The following SEC22C variants were observed in gnomAD, a reference collection of about 807,000 sequenced individuals.
SEC22C encodes the protein SEC22 homolog C, vesicle trafficking protein, also known as vesicle-trafficking protein SEC22c.
SEC22C carries 29 observed loss-of-function variants against 34.7 expected under a neutral mutation model. The ratio of observed to expected loss-of-function variants is 0.84; its 90% CI spans 0.62 to 1.14. The LOEUF (loss-of-function observed/expected upper bound fraction) is 1.14. SEC22C is among the 50% of genes most tolerant of loss of function. SEC22C has a pLI of 0.00. For synonymous variants in SEC22C, 117 were observed against 132.8 expected (o/e 0.88, Z 0.82); for missense variants, 337 against 369.0 (o/e 0.91, Z 0.71).
At chr3:42,581,681 A>G (rs1193339720) in intron 1 of SEC22C, among the ~76,000 whole-genome samples, 165 bp downstream of exon 1, 2 of 152,252 alleles carry the variant, frequency 1.3e-5, no homozygotes, top group African/African-American at 4.8e-5. Context: ...GAGGACTCCA[A>G]GAAGCCCAGT....
Position 42,594,406 on chromosome 3 carries a change from GT to G in SEC22C, c.-28+6553del. On this transcript the variant is annotated intron_variant, in intron 1 of 6. Coordinates refer to the SEC22C transcript ENST00000417572. ...AAAAACAAGCCTCTGATTTTTGCCT[GT>G]TTTTTTGCCCATAGGTACCAGCATG... 1.9e-6 allele frequency: 3 copies of G among 1,604,048 alleles called. No homozygotes were observed. The highest frequency in any genetic ancestry group is 2.6e-6 in the Non-Finnish European group (3 of 1,173,804).
Position 42,555,917 on chromosome 3 carries a change from T to C in SEC22C, c.711+13A>G, listed in dbSNP as rs1466530538. 1.2e-6 allele frequency: 2 copies of C among 1,608,050 alleles called. No individual in the cohort carries two copies. Among genetic ancestry groups the C allele is most frequent in the Non-Finnish European group, 8.5e-7 (1 of 1,174,802 alleles). ...TGGATTTAATCCACTGACCAAAATA[T>C]CGTTTCACCCACCTGGAAAATGCAG... is the stretch of plus-strand genomic sequence containing the variant. On this transcript the variant is annotated intron_variant, in intron 6 of 6. Coordinates refer to ENST00000264454, the MANE Select transcript of SEC22C (RefSeq NM_032970.4).
At chr3:42,565,957 A>T in intron 2 of SEC22C, 1 of 449,186 alleles carries the variant, frequency 2.2e-6, no homozygotes, top group Non-Finnish European at 4.4e-6. Flanking sequence ...AAATGAGTAG[A>T]ACATTTTTTA....
At chr3:42,556,086 T>C (rs1702510892) in intron 5 of SEC22C, 91 bp from the exon 6 acceptor site, 1 of 962,254 alleles carries the variant, frequency 1.0e-6, no homozygotes, top group Non-Finnish European at 1.6e-6. Context: ...TTCTGTCTGG[T>C]ATGGTTGACA....
intron 1 of SEC22C, chr3:42,590,856 G>C (rs769328806): frequency 1.2e-6 from 2 of 1,607,990 alleles, no homozygotes; most frequent in Non-Finnish European, 1.7e-6. Flanking sequence ...ACCTATCGTG[G>C]GTCGAGTTGC....
At chr3:42,585,097 C>G (rs1365082262), upstream of SEC22C, among the ~76,000 whole-genome samples, 1 of 152,116 alleles carries the variant, frequency 6.6e-6, no homozygotes, top group Non-Finnish European at 1.5e-5. Flanking sequence ...CCATTGCACT[C>G]CAGCCTGACC....
chr3:42,549,556 ACC>A lies in SEC22C; in HGVS notation c.*3690_*3691del, dbSNP rs1702147499. The A allele has an allele frequency of 2.1e-6, 2 of 945,978 alleles. No homozygotes were observed. The highest frequency in any genetic ancestry group is 2.4e-6 in the Non-Finnish European group (2 of 819,896). The allele number at this position is 945,978 out of a possible 1,614,324, so 58.6% of individuals were successfully genotyped here. ...TCTCTGACTCTGAGCTGTGCTGACC[ACC>A]AAGTGTTACTCCTCTCCAAGACTTG... On this transcript the variant is annotated 3_prime_UTR_variant, in exon 7 of 7. Coordinates refer to ENST00000264454, the MANE Select transcript of SEC22C (RefSeq NM_032970.4).
At chr3:42,592,690 T>G (rs543962972) in intron 1 of SEC22C, among the ~76,000 whole-genome samples, 2 of 152,252 alleles carry the variant, frequency 1.3e-5, no homozygotes, top group Non-Finnish European at 2.9e-5. Context: ...TAAAAGTTTA[T>G]GGTAAATACC....
upstream of SEC22C, among the ~76,000 whole-genome samples, chr3:42,584,759 C>T (rs770368755): frequency 6.6e-6 from 1 of 152,166 alleles, no homozygotes; most frequent in Non-Finnish European, 1.5e-5. Context: ...TAGGTCATAA[C>T]AGGCACAAAG....
upstream of SEC22C, among the ~76,000 whole-genome samples, chr3:42,585,136 CAAACA>C (rs1269032058): frequency 2.0e-5 from 3 of 152,104 alleles, no homozygotes; most frequent in Non-Finnish European, 2.9e-5. Context: ...TCTCAAAAAA[CAAACA>C]AAACAAAACA....
rs1577372527 is a variant in SEC22C, at chr3:42,590,738, G to A, written c.-28+10222C>T. 12 of 785,776 alleles carry A rather than the reference G, an allele frequency of 1.5e-5. No homozygotes were observed. The South Asian group carries it at 1.8e-4, about 12-fold the overall frequency. The allele number at this position is 785,776 out of a possible 1,614,324, so 48.7% of individuals were successfully genotyped here. A position where few individuals can be genotyped will look rare whatever the true frequency, so the allele number is the denominator to read the frequency against. On this transcript the variant is annotated intron_variant, in intron 1 of 6. Transcript: ENST00000417572. ...CCCCGGCGTTCTGGGGGCTGGGACC[G>A]AGGAAAGCGCTGAGTATAGCTCTTG...
intron 1 of SEC22C, among the ~76,000 whole-genome samples, chr3:42,587,757 C>T (rs1401746151): frequency 2.0e-5 from 3 of 150,654 alleles, no homozygotes; most frequent in Non-Finnish European, 4.4e-5. Flanking sequence ...AAATCAAATC[C>T]TTATATAAAC....
At chr3:42,574,750 C>G (rs1389752773) in intron 1 of SEC22C, among the ~76,000 whole-genome samples, 2 of 152,156 alleles carry the variant, frequency 1.3e-5, no homozygotes, top group Non-Finnish European at 2.9e-5. Flanking sequence ...CATACTCACA[C>G]ACAAACACAT....
intron 2 of SEC22C, chr3:42,565,766 C>A: frequency 7.3e-6 from 3 of 409,318 alleles, no homozygotes; most frequent in South Asian, 5.3e-5. Context: ...GGAACATGGC[C>A]CTGCGATACC....
Position 42,569,013 on chromosome 3 carries a change from C to T in SEC22C, c.34G>A (p.Val12Ile), listed in dbSNP as rs766106762. The T allele has an allele frequency of 1.6e-5, 26 of 1,614,042 alleles. No individual in the cohort carries two copies. In the East Asian group the frequency reaches 5.3e-4, roughly 33 times the overall value. ...GCTGAGAGGGGCAGTCCATCCCTTA[C>T]CCGTACCACGCAGGCAAAAAAGATC... ...SVIFFACVVR[V>I]RDGLPLSAST... The change falls in exon 2 of 7, where the codon GTA becomes ATA. Residue 12 changes from valine to isoleucine, a missense_variant. Physicochemically the swap from Val to Ile is conservative, Grantham distance 29 (BLOSUM62 3). Coordinates refer to ENST00000264454, the MANE Select transcript of SEC22C (RefSeq NM_032970.4).
chr3:42,560,181 ATATATATAT>A lies in SEC22C; in HGVS notation c.526+927_526+935del, dbSNP rs1702811321. Among the ~76,000 whole-genome samples the A allele has an allele frequency of 2.1e-5, 3 of 144,942 alleles. No homozygotes were observed. The South Asian group carries it at 6.3e-4, about 31-fold the overall frequency. On this transcript the variant is annotated intron_variant, in intron 4 of 6. Coordinates refer to ENST00000264454, the MANE Select transcript of SEC22C (RefSeq NM_032970.4). The stretch of plus-strand genomic sequence containing the variant: ...ATATATTATATATATTTTATATATA[ATATATATAT>A]TATATATATAATATATATAATACCA...
Position 42,558,056 on chromosome 3 carries a change from T to C in SEC22C, c.527-360A>G, listed in dbSNP as rs538138245. 6.6e-5 allele frequency among the ~76,000 whole-genome samples: 10 copies of C among 152,332 alleles called. No individual in the cohort carries two copies. The East Asian group carries it at 1.9e-3, about 29-fold the overall frequency. ...TGGAGTCATTTCTGGTTGTCACAAC[T>C]AGAGACAGGCTGCTACTGGCATCTA... On this transcript the variant is annotated intron_variant, in intron 4 of 6. Transcript: ENST00000264454.
At chr3:42,568,768 T>C (rs1301092563) in intron 2 of SEC22C, 97 bp downstream of exon 2, 1 of 1,007,102 alleles carries the variant, frequency 9.9e-7, no homozygotes, top group Non-Finnish European at 1.5e-6. Flanking sequence ...GATCTACTTT[T>C]AATACACAAT....
upstream of SEC22C, chr3:42,582,374 A>T (rs904611791): frequency 3.3e-5 from 5 of 152,368 alleles, no homozygotes; most frequent in East Asian, 9.6e-4. Context: ...GCTGGGCGGG[A>T]GGCCCGAGAT....
Sources: gnomAD v4.1 joint callset for allele counts (sites outside exome capture counted in the v4.1 genomes callset) on GRCh38, gnomAD v4.1.1 for gene constraint, MANE v1.5 for transcripts, NCBI Gene and HGNC (gene_info 2026-07-23, HGNC 2026-07-21) for gene names.